The following RPS6KC1 variants were observed in gnomAD, a reference collection of about 807,000 sequenced individuals.
The protein encoded by RPS6KC1 is ribosomal protein S6 kinase C1.
A neutral mutation model predicts 103.8 loss-of-function variants in RPS6KC1; 54 were observed. The observed-to-expected ratio is 0.52, with a 90% CI of 0.42 to 0.65. The LOEUF (loss-of-function observed/expected upper bound fraction) is 0.65, where lower values mean the gene tolerates loss of function less well. Among genes scored for constraint, RPS6KC1 ranks in the 30% least tolerant of loss-of-function variants. The probability of loss-of-function intolerance (pLI) is 0.00; values close to 1 mark genes in which losing one functional copy is unlikely to be tolerated. For synonymous variants in RPS6KC1, 439 were observed against 438.7 expected (o/e 1.00, Z -0.01); for missense variants, 1,151 against 1,253.8 (o/e 0.92, Z 1.24).
intron 3 of RPS6KC1, among the ~76,000 whole-genome samples, chr1:213,080,468 T>C (rs1012529614): frequency 6.6e-6 from 1 of 152,240 alleles, no homozygotes; most frequent in Non-Finnish European, 1.5e-5. Context: ...GCTTATAGTT[T>C]AACATTTGTC....
At chr1:213,296,836 A>C in the RPS6KC1 span, among the ~76,000 whole-genome samples, 1 of 152,214 alleles carries the variant, frequency 6.6e-6, no homozygotes, top group Admixed American at 6.5e-5. Flanking sequence ...AGTGAGGGTC[A>C]GAGTGAACAT....
the RPS6KC1 span, among the ~76,000 whole-genome samples, chr1:213,684,646 C>A: frequency 6.6e-6 from 1 of 152,204 alleles, no homozygotes; most frequent in Non-Finnish European, 1.5e-5. Flanking sequence ...AAAACATAAT[C>A]AGAGCTAGCC....
At chr1:213,199,177 A>G (rs1377935542) in intron 8 of RPS6KC1, among the ~76,000 whole-genome samples, 2 of 152,244 alleles carry the variant, frequency 1.3e-5, no homozygotes, top group Non-Finnish European at 2.9e-5. Flanking sequence ...AAAACCTGGC[A>G]GAGATACAAC....
chr1:213,118,803 T>C (rs918641844), intron 5 of RPS6KC1, among the ~76,000 whole-genome samples: 12 of 152,280 alleles, frequency 7.9e-5, no homozygotes, highest in Middle Eastern at 3.4e-3. Context: ...GAGTTCTCAG[T>C]ATCTTTGACT....
rs908313819 is a variant in RPS6KC1, at chr1:213,237,117, A to AT, written c.1226-3579dup. On this transcript the variant is annotated intron_variant, in intron 10 of 14. Coordinates refer to ENST00000366960, the MANE Select transcript of RPS6KC1 (RefSeq NM_012424.6). The stretch of plus-strand genomic sequence containing the variant: ...GTGTTACATATTGCCTTGAGCTTGC[A>AT]TTTTTTCCCCCATCTCAAAAGTGTA... Among the ~76,000 whole-genome samples the AT allele has an allele frequency of 1.4e-4, 21 of 151,916 alleles. No individual in the cohort carries two copies. In the East Asian group the frequency reaches 3.5e-3, roughly 25 times the overall value.
the RPS6KC1 span, among the ~76,000 whole-genome samples, chr1:213,645,164 C>G: frequency 2.6e-5 from 4 of 152,112 alleles, no homozygotes. Flanking sequence ...AAACACAGTG[C>G]TGATGGTGAT....
At chr1:213,477,036 G>A in the RPS6KC1 span, among the ~76,000 whole-genome samples, 2 of 152,130 alleles carry the variant, frequency 1.3e-5, no homozygotes, top group African/African-American at 4.8e-5. Flanking sequence ...CAATCCCACT[G>A]GGTGGTGGTG....
intron 8 of RPS6KC1, among the ~76,000 whole-genome samples, chr1:213,191,622 C>T (rs919242417): frequency 6.6e-6 from 1 of 151,894 alleles, no homozygotes; most frequent in Non-Finnish European, 1.5e-5. Flanking sequence ...AATTTAGATG[C>T]TCTTTATTTC....
chr1:213,853,651 T>C, the RPS6KC1 span, among the ~76,000 whole-genome samples: 2 of 152,258 alleles, frequency 1.3e-5, no homozygotes, highest in Admixed American at 1.3e-4. Flanking sequence ...ACTTGTTTTC[T>C]CTTCAAGACA....
At chr1:213,106,474 T>C (rs2148799041) in intron 4 of RPS6KC1, among the ~76,000 whole-genome samples, 1 of 152,248 alleles carries the variant, frequency 6.6e-6, no homozygotes, top group South Asian at 2.1e-4. Context: ...CCTTCTTACA[T>C]CTCATTGGCC....
chr1:213,761,666 C>T, the RPS6KC1 span, among the ~76,000 whole-genome samples: 1 of 152,342 alleles, frequency 6.6e-6, no homozygotes, highest in Non-Finnish European at 1.5e-5. Context: ...TCAGTGCCTC[C>T]TTTGCTCACT....
chr1:213,077,094 T>C (rs902126493), intron 2 of RPS6KC1, among the ~76,000 whole-genome samples: 3 of 152,218 alleles, frequency 2.0e-5, no homozygotes, highest in Non-Finnish European at 4.4e-5. Context: ...GGTCTTGAAC[T>C]CCTGAGCTCA....
intron 8 of RPS6KC1, among the ~76,000 whole-genome samples, chr1:213,209,637 A>G (rs1057397997): frequency 3.5e-5 from 5 of 142,996 alleles, no homozygotes; most frequent in Non-Finnish European, 7.6e-5. Context: ...GGAGGTTGCA[A>G]TGAGCCGAGA....
At chr1:213,644,730 T>G in the RPS6KC1 span, among the ~76,000 whole-genome samples, 1 of 152,186 alleles carries the variant, frequency 6.6e-6, no homozygotes, top group Non-Finnish European at 1.5e-5. Flanking sequence ...AATTGCTCAG[T>G]CAAAGGGCAT....
chr1:213,175,237 C>T (rs1379086853), intron 7 of RPS6KC1, among the ~76,000 whole-genome samples: 1 of 152,170 alleles, frequency 6.6e-6, no homozygotes, highest in Non-Finnish European at 1.5e-5. Flanking sequence ...ATATGCTAGG[C>T]ACTGTGAATA....
chr1:213,313,810 G>A, the RPS6KC1 span, among the ~76,000 whole-genome samples: 1 of 152,096 alleles, frequency 6.6e-6, no homozygotes, highest in Admixed American at 6.5e-5. Context: ...AAAATTAGCC[G>A]GGTGTGGTGG....
chr1:213,648,909 T>G, the RPS6KC1 span, among the ~76,000 whole-genome samples: 1 of 152,136 alleles, frequency 6.6e-6, no homozygotes, highest in Non-Finnish European at 1.5e-5. Flanking sequence ...TTCACTCTGC[T>G]CTCTCATCCC....
the RPS6KC1 span, among the ~76,000 whole-genome samples, chr1:213,406,898 T>C: frequency 6.6e-6 from 1 of 152,152 alleles, no homozygotes; most frequent in Non-Finnish European, 1.5e-5. Flanking sequence ...ATTTTACAAA[T>C]GAGAGCGCTG....
the RPS6KC1 span, among the ~76,000 whole-genome samples, chr1:213,694,941 G>A: frequency 6.6e-6 from 1 of 152,158 alleles, no homozygotes; most frequent in South Asian, 2.1e-4. Context: ...ACAGACAGTG[G>A]TGCCCAGTGT....
Sources: gnomAD v4.1 joint callset for allele counts (sites outside exome capture counted in the v4.1 genomes callset) on GRCh38, gnomAD v4.1.1 for gene constraint, MANE v1.5 for transcripts, NCBI Gene and HGNC (gene_info 2026-07-23, HGNC 2026-07-21) for gene names.